IL1RAP: variants seen among roughly 807,000 people sequenced by gnomAD.
IL1RAP encodes interleukin 1 receptor accessory protein, also known as interleukin-1 receptor accessory protein.
IL1RAP carries 35 observed loss-of-function variants against 60.7 expected under a neutral mutation model. The ratio of observed to expected loss-of-function variants is 0.58; its 90% CI spans 0.44 to 0.76. The LOEUF is 0.76. IL1RAP is among the 30% of genes least tolerant of loss of function. The pLI, the probability that IL1RAP is intolerant of heterozygous loss-of-function variation, is 0.00. For synonymous variants in IL1RAP, 268 were observed against 250.9 expected (o/e 1.07, Z -0.64); for missense variants, 572 against 693.9 (o/e 0.82, Z 1.97).
At chr3:190,589,100 C>T (rs1228886900) in intron 3 of IL1RAP, among the ~76,000 whole-genome samples, 1 of 152,180 alleles carries the variant, frequency 6.6e-6, no homozygotes. Context: ...AATCCACCTT[C>T]CAGCTCTAAC....
At chr3:190,523,671 A>G (rs191478097) in intron 1 of IL1RAP, among the ~76,000 whole-genome samples, 5 of 152,196 alleles carry the variant, frequency 3.3e-5, no homozygotes, top group Admixed American at 2.0e-4. Flanking sequence ...CCCCAGCTCT[A>G]TCCATGTTTC....
intron 1 of IL1RAP, among the ~76,000 whole-genome samples, chr3:190,523,226 G>A (rs1722235420): frequency 6.6e-6 from 1 of 152,082 alleles, no homozygotes; most frequent in Non-Finnish European, 1.5e-5. Flanking sequence ...ATGGGTTGGG[G>A]TAGGGGAAGC....
At chr3:190,578,528 C>A (rs1452235344) in intron 3 of IL1RAP, among the ~76,000 whole-genome samples, 1 of 152,162 alleles carries the variant, frequency 6.6e-6, no homozygotes, top group African/African-American at 2.4e-5. Context: ...ATAACCATGG[C>A]TTGTGTTTGT....
chr3:190,652,457 G>GAAAA (rs10631058), downstream of IL1RAP, among the ~76,000 whole-genome samples: 2,065 of 135,476 alleles, frequency 0.015, 39 homozygotes, highest in East Asian at 0.054. Flanking sequence ...CGAGACTTCA[G>GAAAA]AAAAAAAAAA....
intron 3 of IL1RAP, among the ~76,000 whole-genome samples, chr3:190,590,257 CTT>C (rs1403184229): frequency 1.7e-4 from 24 of 143,958 alleles, no homozygotes; most frequent in East Asian, 2.0e-4. Context: ...TCTTCTTCTT[CTT>C]TTTTTTTTTT....
intron 3 of IL1RAP, among the ~76,000 whole-genome samples, chr3:190,602,125 T>C (rs1170706825): frequency 6.6e-6 from 1 of 152,164 alleles, no homozygotes; most frequent in Non-Finnish European, 1.5e-5. Context: ...TTGCTGACTC[T>C]GTATTCCAGA....
At chr3:190,528,363 G>A (rs934927534) in intron 1 of IL1RAP, among the ~76,000 whole-genome samples, 1 of 152,140 alleles carries the variant, frequency 6.6e-6, no homozygotes, top group Non-Finnish European at 1.5e-5. Flanking sequence ...GTTGGACCGG[G>A]CATATAATAA....
chr3:190,612,486 C>T (rs1340110246), intron 5 of IL1RAP, among the ~76,000 whole-genome samples: 2 of 152,142 alleles, frequency 1.3e-5, no homozygotes, highest in Non-Finnish European at 2.9e-5. Flanking sequence ...ATTGTACCAC[C>T]TTTATTAATT....
intron 4 of IL1RAP, among the ~76,000 whole-genome samples, chr3:190,606,292 C>T (rs1730319578): frequency 6.6e-6 from 1 of 152,184 alleles, no homozygotes; most frequent in Non-Finnish European, 1.5e-5. Context: ...GACAGAGAAA[C>T]CAGGCCATCA....
downstream of IL1RAP, among the ~76,000 whole-genome samples, chr3:190,652,387 G>T (rs1577836779): frequency 6.6e-6 from 1 of 151,830 alleles, no homozygotes; most frequent in Admixed American, 6.6e-5. Context: ...GCTTGAACCC[G>T]GGAGGCGGAG....
At chr3:190,550,104 C>G (rs1393183514) in intron 1 of IL1RAP, among the ~76,000 whole-genome samples, 1 of 152,192 alleles carries the variant, frequency 6.6e-6, no homozygotes, top group Non-Finnish European at 1.5e-5. Flanking sequence ...ACCCATGAAA[C>G]AGGGGGGGCT....
chr3:190,520,660 G>A (rs757134483), intron 1 of IL1RAP: 13 of 152,118 alleles, frequency 8.5e-5, no homozygotes, highest in Non-Finnish European at 1.9e-4. Flanking sequence ...TAAAAGCATT[G>A]AAGAATTTAC....
chr3:190,576,267 G>T (rs1727437134), intron 3 of IL1RAP, among the ~76,000 whole-genome samples: 1 of 152,088 alleles, frequency 6.6e-6, no homozygotes, highest in African/African-American at 2.4e-5. Flanking sequence ...ACTACATAAA[G>T]ATTTTAAAAA....
At chr3:190,525,408 G>C (rs561950200) in intron 1 of IL1RAP, among the ~76,000 whole-genome samples, 14 of 152,190 alleles carry the variant, frequency 9.2e-5, no homozygotes, top group Non-Finnish European at 1.9e-4. Flanking sequence ...CTGGAAATAA[G>C]GTTCTAAGAT....
Position 190,537,816 on chromosome 3 carries a change from C to T in IL1RAP, c.-88-18314C>T, listed in dbSNP as rs535583676. 5.9e-5 allele frequency among the ~76,000 whole-genome samples: 9 copies of T among 152,188 alleles called. No individual in the cohort carries two copies. The East Asian group carries it at 1.4e-3, about 23-fold the overall frequency. ...AATACAGGGTTAAATCTACATAAGACGTATACGATTTCTCCATGGCATATC... is the reference window on the plus strand; with the variant it reads ...AATACAGGGTTAAATCTACATAAGATGTATACGATTTCTCCATGGCATATC... On this transcript the variant is annotated intron_variant, in intron 1 of 11. Transcript: ENST00000447382.
intron 3 of IL1RAP, among the ~76,000 whole-genome samples, chr3:190,586,516 G>A (rs1014074661): frequency 6.6e-5 from 10 of 152,148 alleles, no homozygotes; most frequent in African/African-American, 2.4e-4. Flanking sequence ...CCGTGATTAT[G>A]CCCTCCTATC....
At chr3:190,514,854 GCCCTGTGGGGCACAGGGTGC>G (rs1721370796) in intron 1 of IL1RAP, among the ~76,000 whole-genome samples, 1 of 151,970 alleles carries the variant, frequency 6.6e-6, no homozygotes, top group Non-Finnish European at 1.5e-5. Flanking sequence ...GGAGCTAGTG[GCCCTGTGGGGCACAGGGTGC>G]CCCTCACTTG....
At chr3:190,633,519 G>A (rs868738772) in intron 9 of IL1RAP, among the ~76,000 whole-genome samples, 2 of 151,890 alleles carry the variant, frequency 1.3e-5, no homozygotes, top group Non-Finnish European at 2.9e-5. Flanking sequence ...ACCATACCCG[G>A]CTAATTTTTA....
intron 1 of IL1RAP, among the ~76,000 whole-genome samples, chr3:190,550,857 T>C (rs1311532763): frequency 1.3e-5 from 2 of 152,226 alleles, no homozygotes; most frequent in Non-Finnish European, 1.5e-5. Flanking sequence ...CCAGTCCTTA[T>C]TTTTGTTAAA....
Sources: gnomAD v4.1 joint callset for allele counts (sites outside exome capture counted in the v4.1 genomes callset) on GRCh38, gnomAD v4.1.1 for gene constraint, MANE v1.5 for transcripts, NCBI Gene and HGNC (gene_info 2026-07-23, HGNC 2026-07-21) for gene names.